The following CABLES1 variants were observed in gnomAD, a reference collection of about 807,000 sequenced individuals.
The protein encoded by CABLES1 is CDK5 and ABL1 enzyme substrate 1.
CABLES1 carries 36 observed loss-of-function variants against 57.8 expected under a neutral mutation model. The observed-to-expected ratio is 0.62, with a 90% CI of 0.48 to 0.82. The LOEUF (loss-of-function observed/expected upper bound fraction) is 0.82. CABLES1 is among the 40% of genes least tolerant of loss of function. The pLI is 0.00. For missense variants in CABLES1, 767 were observed against 836.6 expected, an observed-to-expected ratio of 0.92 and a Z score of 1.03; for synonymous variants, 374 against 363.0, an observed-to-expected ratio of 1.03 and a Z score of -0.35.
intron 1 of CABLES1, among the ~76,000 whole-genome samples, chr18:23,177,012 G>C (rs1486312529): frequency 6.6e-6 from 1 of 152,180 alleles, no homozygotes; most frequent in African/African-American, 2.4e-5. Context: ...TGACTGTGGA[G>C]GAAGGGACAG....
chr18:23,146,767 G>A (rs35699973), intron 1 of CABLES1, among the ~76,000 whole-genome samples: 123,658 of 151,646 alleles, frequency 0.82, 50,874 homozygotes, highest in African/African-American at 0.91. Flanking sequence ...GTCACTATGT[G>A]GTAGAGCTAG....
chr18:23,178,609 A>G (rs1036109886), intron 1 of CABLES1, among the ~76,000 whole-genome samples: 4 of 152,224 alleles, frequency 2.6e-5, no homozygotes, highest in Non-Finnish European at 4.4e-5. Flanking sequence ...CATGAGGGAA[A>G]GAGTGTTTTT....
chr18:23,210,701 T>C (rs946036311), intron 3 of CABLES1, among the ~76,000 whole-genome samples: 4 of 152,226 alleles, frequency 2.6e-5, no homozygotes, highest in Non-Finnish European at 5.9e-5. Flanking sequence ...ACTTGCCTGC[T>C]GTGGTTCACG....
At chr18:23,203,964 G>A (rs2047344544) in intron 3 of CABLES1, among the ~76,000 whole-genome samples, 1 of 152,146 alleles carries the variant, frequency 6.6e-6, no homozygotes, top group Non-Finnish European at 1.5e-5. Context: ...CATCATCGGT[G>A]TTTATGATCA....
chr18:23,184,528 C>A (rs2047189235), intron 1 of CABLES1, among the ~76,000 whole-genome samples: 1 of 152,106 alleles, frequency 6.6e-6, no homozygotes, highest in Non-Finnish European at 1.5e-5. Flanking sequence ...TGTGGCGAAA[C>A]CCTGTCTCTA....
At chr18:23,182,336 C>A (rs1266287082) in intron 1 of CABLES1, among the ~76,000 whole-genome samples, 1 of 152,130 alleles carries the variant, frequency 6.6e-6, no homozygotes, top group African/African-American at 2.4e-5. Flanking sequence ...TAAAGGAGAC[C>A]ACCTATTATC....
chr18:23,238,523 T>G (rs2047661137), intron 7 of CABLES1, among the ~76,000 whole-genome samples: 1 of 152,222 alleles, frequency 6.6e-6, no homozygotes, highest in African/African-American at 2.4e-5. Context: ...CATGTATAAT[T>G]ACTTTTCTTC....
chr18:23,239,227 C>T (rs771222846), intron 7 of CABLES1, among the ~76,000 whole-genome samples: 7 of 152,180 alleles, frequency 4.6e-5, no homozygotes, highest in South Asian at 2.1e-4. Flanking sequence ...TATGTCCTGC[C>T]CTCCTCATTT....
upstream of CABLES1, chr18:23,134,806 C>G (rs2046805342): frequency 6.6e-6 from 1 of 152,124 alleles, no homozygotes; most frequent in Non-Finnish European, 1.5e-5. Context: ...TGCGTGAGTT[C>G]GTTGGCCACA....
At chr18:23,173,592 T>C (rs1016088801) in intron 1 of CABLES1, among the ~76,000 whole-genome samples, 5 of 152,388 alleles carry the variant, frequency 3.3e-5, no homozygotes, top group African/African-American at 1.2e-4. Flanking sequence ...TATGTTTTTC[T>C]ACATATGTAA....
At chr18:23,211,785 G>A (rs890358486) in intron 3 of CABLES1, among the ~76,000 whole-genome samples, 36 of 152,236 alleles carry the variant, frequency 2.4e-4, no homozygotes, top group African/African-American at 8.2e-4. Context: ...AATTTGGCAC[G>A]TAATCGATAC....
chr18:23,213,655 T>C (rs1343734214), intron 3 of CABLES1, among the ~76,000 whole-genome samples: 1 of 152,246 alleles, frequency 6.6e-6, no homozygotes, highest in African/African-American at 2.4e-5. Context: ...CTGGCCACCC[T>C]GGACTCAGAT....
chr18:23,203,091 G>T (rs956399289), intron 3 of CABLES1, among the ~76,000 whole-genome samples: 1 of 152,080 alleles, frequency 6.6e-6, no homozygotes, highest in Non-Finnish European at 1.5e-5. Context: ...GGTGCTCCCA[G>T]TTCTTGAGAC....
intron 1 of CABLES1, among the ~76,000 whole-genome samples, chr18:23,177,543 C>T (rs368237471): frequency 5.3e-5 from 8 of 152,302 alleles, no homozygotes; most frequent in African/African-American, 1.9e-4. Context: ...TGTCCGGGTC[C>T]TCCTGGAGCC....
At chr18:23,147,692 G>T (rs1264217504) in intron 1 of CABLES1, among the ~76,000 whole-genome samples, 1 of 152,190 alleles carries the variant, frequency 6.6e-6, no homozygotes, top group African/African-American at 2.4e-5. Context: ...GCTTACGCTG[G>T]AATCGTGACA....
At chr18:23,230,886 C>A (rs1347483099) in intron 4 of CABLES1, among the ~76,000 whole-genome samples, 1 of 152,152 alleles carries the variant, frequency 6.6e-6, no homozygotes, top group East Asian at 1.9e-4. Context: ...ACTGTCACAC[C>A]CGCCCCGTGA....
At chr18:23,147,850 G>A (rs894128785) in intron 1 of CABLES1, among the ~76,000 whole-genome samples, 5 of 152,100 alleles carry the variant, frequency 3.3e-5, no homozygotes, top group South Asian at 2.1e-4. Flanking sequence ...GGAGGGTCCC[G>A]CAGCCCACGT....
At chr18:23,229,307 G>A (rs1253713547) in intron 4 of CABLES1, among the ~76,000 whole-genome samples, 3 of 152,168 alleles carry the variant, frequency 2.0e-5, no homozygotes, top group African/African-American at 7.2e-5. Context: ...AGCTACTCGG[G>A]AGGCTGAGGC....
At chr18:23,169,220 T>C (rs1349997818) in intron 1 of CABLES1, among the ~76,000 whole-genome samples, 3 of 152,196 alleles carry the variant, frequency 2.0e-5, no homozygotes, top group African/African-American at 4.8e-5. Context: ...TTGTTTAGCA[T>C]ATCATCAAGA....
Sources: allele counts gnomAD v4.1 joint callset (sites outside exome capture counted in the v4.1 genomes callset), GRCh38; gene constraint gnomAD v4.1.1; transcripts MANE v1.5; gene names NCBI Gene and HGNC (gene_info 2026-07-23, HGNC 2026-07-21).